Variants in CADPS2 observed in about 807,000 individuals in gnomAD.
CADPS2 encodes calcium-dependent secretion activator 2.
Under a neutral mutation model 172.5 loss-of-function variants are expected in CADPS2, and 93 were observed. The ratio of observed to expected loss-of-function variants is 0.54; its 90% confidence interval spans 0.46 to 0.64. The LOEUF (loss-of-function observed/expected upper bound fraction) is 0.64. CADPS2 is among the 30% of genes least tolerant of loss of function. CADPS2 has a pLI of 0.00. For missense variants in CADPS2, 1,420 were observed against 1,565.9 expected, an observed-to-expected ratio of 0.91 and a Z score of 1.57; for synonymous variants, 546 against 555.2, an observed-to-expected ratio of 0.98 and a Z score of 0.23.
At chr7:122,539,431 C>G (rs987392344) in intron 8 of CADPS2, among the ~76,000 whole-genome samples, 1 of 152,006 alleles carries the variant, frequency 6.6e-6, no homozygotes, top group East Asian at 1.9e-4. Flanking sequence ...CTGTGGTATT[C>G]CATTAGAGCA....
At chr7:122,676,399 C>T (rs1431358611) in intron 2 of CADPS2, among the ~76,000 whole-genome samples, 1 of 152,138 alleles carries the variant, frequency 6.6e-6, no homozygotes, top group Non-Finnish European at 1.5e-5. Context: ...AATGAGAAAA[C>T]AAGAGCCAAA....
At chr7:122,465,670 A>G in intron 14 of CADPS2, among the ~76,000 whole-genome samples, 1 of 152,182 alleles carries the variant, frequency 6.6e-6, no homozygotes, top group Middle Eastern at 3.2e-3. Flanking sequence ...CCATCCATGA[A>G]AAATTTACCT....
chr7:122,366,707 A>T (rs1171065725), intron 25 of CADPS2: 1 of 145,632 alleles, frequency 6.9e-6, no homozygotes, highest in Non-Finnish European at 1.5e-5. Context: ...ATACGTATAC[A>T]TATATATATA....
At chr7:122,855,457 C>A (rs1329009393) in intron 1 of CADPS2, among the ~76,000 whole-genome samples, 1 of 152,132 alleles carries the variant, frequency 6.6e-6, no homozygotes, top group Non-Finnish European at 1.5e-5. Context: ...CTTCCATTCA[C>A]ACTATAAGCA....
intron 1 of CADPS2, among the ~76,000 whole-genome samples, chr7:122,841,402 T>C (rs992504526): frequency 1.3e-5 from 2 of 152,164 alleles, no homozygotes. Context: ...ATATGCTAAA[T>C]TAGATATCAC....
chr7:122,721,228 T>C (rs1257685915), intron 2 of CADPS2, among the ~76,000 whole-genome samples: 2 of 151,712 alleles, frequency 1.3e-5, no homozygotes, highest in Non-Finnish European at 2.9e-5. Context: ...AAAAAACCCT[T>C]CAAAAAACCA....
chr7:122,462,094 T>C (rs1434025107), intron 14 of CADPS2, among the ~76,000 whole-genome samples: 1 of 152,158 alleles, frequency 6.6e-6, no homozygotes, highest in Non-Finnish European at 1.5e-5. Flanking sequence ...AAGAACATTC[T>C]TCAGAAAAAA....
At chr7:122,355,016 A>G (rs17462732) in intron 27 of CADPS2, among the ~76,000 whole-genome samples, 34,823 of 152,100 alleles carry the variant, frequency 0.23, 4,233 homozygotes, top group Non-Finnish European at 0.26. Flanking sequence ...GACTACACTG[A>G]AGCATTTTTC....
chr7:122,400,571 C>G (rs1242299087), intron 20 of CADPS2, among the ~76,000 whole-genome samples: 1 of 152,192 alleles, frequency 6.6e-6, no homozygotes, highest in Non-Finnish European at 1.5e-5. Context: ...ATTTACCATA[C>G]TGGTCAGTAA....
chr7:122,693,124 T>C (rs2084610989), intron 2 of CADPS2, among the ~76,000 whole-genome samples: 1 of 152,218 alleles, frequency 6.6e-6, no homozygotes, highest in Non-Finnish European at 1.5e-5. Flanking sequence ...TTCCTTACAC[T>C]GTGTCTTCAA....
chr7:122,743,640 A>G (rs768484837), intron 1 of CADPS2, among the ~76,000 whole-genome samples: 2 of 152,202 alleles, frequency 1.3e-5, no homozygotes, highest in African/African-American at 4.8e-5. Flanking sequence ...AAAATGAGAA[A>G]GGTTTTTCAA....
chr7:122,667,836 A>G (rs1297431388), intron 2 of CADPS2, among the ~76,000 whole-genome samples: 1 of 152,204 alleles, frequency 6.6e-6, no homozygotes, highest in Non-Finnish European at 1.5e-5. Flanking sequence ...AACAACAGCA[A>G]TAAAGCACAA....
At chr7:122,479,397 C>T (rs1220538606) in intron 12 of CADPS2, among the ~76,000 whole-genome samples, 1 of 152,300 alleles carries the variant, frequency 6.6e-6, no homozygotes, top group African/African-American at 2.4e-5. Flanking sequence ...GTAGGTGCCA[C>T]TTCTCTTTTT....
chr7:122,790,437 G>A (rs917068217), intron 1 of CADPS2, among the ~76,000 whole-genome samples: 1 of 151,020 alleles, frequency 6.6e-6, no homozygotes, highest in African/African-American at 2.4e-5. Flanking sequence ...AAGTTTCTGA[G>A]TGAATTTACT....
At chr7:122,592,369 A>T (rs1013354558) in intron 6 of CADPS2, among the ~76,000 whole-genome samples, 1 of 152,168 alleles carries the variant, frequency 6.6e-6, no homozygotes, top group African/African-American at 2.4e-5. Context: ...GAGAAATAGG[A>T]ATGCTTTTAC....
chr7:122,453,047 A>G (rs1389786757), intron 14 of CADPS2, among the ~76,000 whole-genome samples: 1 of 152,186 alleles, frequency 6.6e-6, no homozygotes, highest in Non-Finnish European at 1.5e-5. Flanking sequence ...TATAGAGTAC[A>G]TAATTTTTAC....
rs889119364 is a variant in CADPS2 at position 122,388,229 on chromosome 7, T to C, written c.3164+354A>G. Among the ~76,000 whole-genome samples, 5 of 152,022 alleles carry C rather than the reference T, an allele frequency of 3.3e-5. No homozygotes were observed. In the East Asian group the frequency reaches 9.7e-4, roughly 29 times the overall value. On this transcript the variant is annotated intron_variant, in intron 23 of 29. Coordinates refer to ENST00000449022, the MANE Select transcript of CADPS2 (RefSeq NM_017954.11). Reference sequence around the variant, plus strand: ...TTTCACAGCACACAGACACAGTACATAATGCATACAGAACATAACAGACCT... The same window carrying C: ...TTTCACAGCACACAGACACAGTACACAATGCATACAGAACATAACAGACCT...
intron 8 of CADPS2, among the ~76,000 whole-genome samples, chr7:122,526,150 T>C (rs1401530035): frequency 6.6e-6 from 1 of 151,818 alleles, no homozygotes; most frequent in East Asian, 1.9e-4. Flanking sequence ...CTCACATGGA[T>C]AAACACTGTG....
chr7:122,584,149 A>G lies in CADPS2; in HGVS notation c.1224-2859T>C, dbSNP rs141531469. The stretch of plus-strand genomic sequence containing the variant: ...TTTATTGCATAAGTTGAAAAGTGCT[A>G]TATTTTTATTATCTGAAAGAGTTTG... On this transcript the variant is annotated intron_variant, in intron 6 of 29. Transcript: ENST00000449022. 3.4e-3 allele frequency among the ~76,000 whole-genome samples: 509 copies of G among 151,826 alleles called. 5 individuals are homozygous for G. Among genetic ancestry groups the G allele is most frequent in the African/African-American group, 0.012 (489 of 41,524 alleles).
Sources: gnomAD v4.1 joint callset for allele counts (sites outside exome capture counted in the v4.1 genomes callset) on GRCh38, gnomAD v4.1.1 for gene constraint, MANE v1.5 for transcripts, NCBI Gene and HGNC (gene_info 2026-07-23, HGNC 2026-07-21) for gene names.